Variants in PDE10A observed in about 807,000 individuals in gnomAD.
PDE10A encodes the protein cAMP and cAMP-inhibited cGMP 3',5'-cyclic phosphodiesterase 10A.
In PDE10A, 39 loss-of-function variants were observed where a neutral mutation model predicts 97.7. The ratio of observed to expected loss-of-function variants is 0.40; its 90% CI spans 0.31 to 0.52. PDE10A has a LOEUF of 0.52. Among genes scored for constraint, PDE10A ranks in the 20% least tolerant of loss-of-function variants. The pLI, the probability that PDE10A is intolerant of heterozygous loss-of-function variation, is 0.56. For synonymous variants in PDE10A, 371 were observed against 376.8 expected (o/e 0.98, Z 0.18); for missense variants, 731 against 1,047.8 (o/e 0.70, Z 4.17).
chr6:165,441,870 C>A (rs1278964691), intron 5 of PDE10A, among the ~76,000 whole-genome samples: 2 of 152,186 alleles, frequency 1.3e-5, no homozygotes, highest in Non-Finnish European at 2.9e-5. Context: ...TCCTTGGCTA[C>A]TGGACTAATA....
At chr6:165,338,472 C>T (rs191429436) in intron 20 of PDE10A, among the ~76,000 whole-genome samples, 197 of 152,166 alleles carry the variant, frequency 1.3e-3, no homozygotes, top group African/African-American at 4.4e-3. Context: ...GCAAAACTAG[C>T]GAGGCACAAG....
At chr6:165,826,529 C>T (rs566731705) in intron 1 of PDE10A, among the ~76,000 whole-genome samples, 59 of 152,048 alleles carry the variant, frequency 3.9e-4, no homozygotes, top group African/African-American at 1.3e-3. Context: ...TACTCTGCCC[C>T]TGTGTCCCTC....
At chr6:165,874,602 G>C (rs1205252100) in intron 1 of PDE10A, among the ~76,000 whole-genome samples, 1 of 152,180 alleles carries the variant, frequency 6.6e-6, no homozygotes, top group Non-Finnish European at 1.5e-5. Context: ...AAATAATGGT[G>C]CTTATTGATG....
intron 1 of PDE10A, among the ~76,000 whole-genome samples, chr6:165,640,505 T>G (rs1562651337): frequency 6.6e-6 from 1 of 152,176 alleles, no homozygotes; most frequent in Non-Finnish European, 1.5e-5. Flanking sequence ...ACATTTTGGC[T>G]CAAAGAAAAT....
At chr6:165,476,091 C>A (rs1009641361) in intron 3 of PDE10A, among the ~76,000 whole-genome samples, 1 of 151,522 alleles carries the variant, frequency 6.6e-6, no homozygotes, top group Admixed American at 6.6e-5. Context: ...GAAGAGCAGA[C>A]CTAAAATCAC....
intron 1 of PDE10A, among the ~76,000 whole-genome samples, chr6:165,852,359 A>C (rs772801380): frequency 1.3e-5 from 2 of 152,220 alleles, no homozygotes; most frequent in Non-Finnish European, 2.9e-5. Context: ...ATATGTCCTC[A>C]ATGCTGGTGA....
chr6:165,939,209 A>T (rs78319422), intron 1 of PDE10A, among the ~76,000 whole-genome samples: 1 of 152,196 alleles, frequency 6.6e-6, no homozygotes, highest in Non-Finnish European at 1.5e-5. Flanking sequence ...GTTAACGAGT[A>T]TCCCTTTCTC....
chr6:165,575,412 T>G (rs535426274), intron 1 of PDE10A, among the ~76,000 whole-genome samples: 1 of 152,332 alleles, frequency 6.6e-6, no homozygotes, highest in African/African-American at 2.4e-5. Flanking sequence ...GGATCCTTTA[T>G]TTTTCCCCTC....
At chr6:165,721,214 G>C (rs1792160643) in intron 1 of PDE10A, among the ~76,000 whole-genome samples, 1 of 152,166 alleles carries the variant, frequency 6.6e-6, no homozygotes, top group Admixed American at 6.5e-5. Context: ...GGGTTTTCTT[G>C]ACCTGGCTGA....
At chr6:165,438,320 C>T (rs1790184319) in intron 5 of PDE10A, among the ~76,000 whole-genome samples, 1 of 152,202 alleles carries the variant, frequency 6.6e-6, no homozygotes, top group Non-Finnish European at 1.5e-5. Context: ...TCCCGAGTAG[C>T]TGGGATTACA....
intron 1 of PDE10A, among the ~76,000 whole-genome samples, chr6:165,871,946 G>C (rs558770637): frequency 6.6e-6 from 1 of 152,356 alleles, no homozygotes; most frequent in South Asian, 2.1e-4. Context: ...CTGACTCAGT[G>C]AAGCTTTTCA....
At chr6:165,739,867 C>T (rs1023444827) in intron 1 of PDE10A, among the ~76,000 whole-genome samples, 5 of 152,154 alleles carry the variant, frequency 3.3e-5, no homozygotes, top group African/African-American at 1.2e-4. Context: ...AAATAATGCT[C>T]AACGTCTCTA....
intron 1 of PDE10A, among the ~76,000 whole-genome samples, chr6:165,574,602 C>A (rs1785210636): frequency 6.6e-6 from 1 of 152,190 alleles, no homozygotes; most frequent in African/African-American, 2.4e-5. Context: ...ACACTTGCTA[C>A]TTGAAAACTA....
intron 2 of PDE10A, among the ~76,000 whole-genome samples, chr6:165,510,266 C>T (rs1216162884): frequency 6.6e-6 from 1 of 151,612 alleles, no homozygotes; most frequent in Non-Finnish European, 1.5e-5. Flanking sequence ...GCCTAGTTTG[C>T]TGAATTTTAT....
chr6:165,352,389 A>T (rs1782746723), intron 18 of PDE10A, among the ~76,000 whole-genome samples: 1 of 152,166 alleles, frequency 6.6e-6, no homozygotes, highest in Admixed American at 6.6e-5. Flanking sequence ...TTAATTTTGG[A>T]TAGAGAGAGG....
chr6:165,606,692 A>C (rs894616286), intron 1 of PDE10A, among the ~76,000 whole-genome samples: 1 of 152,142 alleles, frequency 6.6e-6, no homozygotes, highest in African/African-American at 2.4e-5. Context: ...CAGGTATAGC[A>C]AGTAGGAGAA....
chr6:165,737,904 C>G (rs897282250), intron 1 of PDE10A, among the ~76,000 whole-genome samples: 3 of 152,112 alleles, frequency 2.0e-5, no homozygotes, highest in African/African-American at 7.2e-5. Context: ...AAAGAAAACC[C>G]TAAAGACTAT....
intron 2 of PDE10A, among the ~76,000 whole-genome samples, chr6:165,505,722 C>T (rs367949911): frequency 1.3e-5 from 2 of 152,122 alleles, no homozygotes; most frequent in African/African-American, 4.8e-5. Context: ...TGAGGTAAAG[C>T]CATAGAGCTT....
intron 2 of PDE10A, among the ~76,000 whole-genome samples, chr6:165,530,432 C>G (rs972484795): frequency 1.1e-4 from 16 of 151,114 alleles, no homozygotes; most frequent in African/African-American, 3.6e-4. Context: ...TTAAACAAAC[C>G]AACAAGCGAA....
Sources: gnomAD v4.1 joint callset for allele counts (sites outside exome capture counted in the v4.1 genomes callset) on GRCh38, gnomAD v4.1.1 for gene constraint, MANE v1.5 for transcripts, NCBI Gene and HGNC (gene_info 2026-07-23, HGNC 2026-07-21) for gene names.